Variants in PPIE observed in about 807,000 individuals in gnomAD.
PPIE encodes the protein peptidylprolyl isomerase E.
Under a neutral mutation model 38.4 loss-of-function variants are expected in PPIE, and 20 were observed. The observed-to-expected ratio is 0.52, with a 90% CI of 0.37 to 0.76. PPIE has a LOEUF of 0.76. Among genes scored for constraint, PPIE ranks in the 30% least tolerant of loss-of-function variants. PPIE has a pLI of 0.00. For missense variants in PPIE, 322 were observed against 385.8 expected (o/e 0.83, Z 1.39); for synonymous variants, 142 against 135.7 (o/e 1.05, Z -0.32).
chr1:39,749,014 A>C lies in PPIE; in HGVS notation c.620A>C (p.Asn207Thr), dbSNP rs764245200. The C allele has an allele frequency of 3.2e-5, 51 of 1,612,564 alleles. No homozygotes were observed. The Admixed American group carries it at 8.4e-4, about 27-fold the overall frequency. ...MCQGGDFTNH[N>T]GTGGKSIYGK... ...CAGGGCGGTGATTTCACAAACCACA[A>C]TGGCACTGGGGGCAAGTCCATCTAT... Residue 207 changes from asparagine (N) to threonine (T), a missense_variant, in exon 8 of 10, where the codon AAT (asparagine) becomes ACT (threonine). Physicochemically the swap from Asn to Thr is moderately conservative, Grantham distance 65. Coordinates refer to ENST00000324379, the MANE Select transcript of PPIE (RefSeq NM_006112.4).
At position 39,743,198 on chromosome 1, in the gene PPIE, G is replaced by T. The variant is rs1206923595; in HGVS notation, c.202-18G>T. 6.2e-7 allele frequency: 1 copy of T among 1,611,278 alleles called. No homozygotes were observed. The highest frequency in any genetic ancestry group is 2.2e-5 in the East Asian group (1 of 44,862). On this transcript the variant is annotated intron_variant, in intron 4 of 9. Transcript: ENST00000324379. ...TAACCTAAGAGAGTTTAAGCAGCTGGATTTTCAATCTTTTCAGAATGAATC... is the reference window on the plus strand; with the variant it reads ...TAACCTAAGAGAGTTTAAGCAGCTGTATTTTCAATCTTTTCAGAATGAATC...
At chr1:39,752,046 G>T (rs1393127458) in intron 8 of PPIE, among the ~76,000 whole-genome samples, 1 of 152,178 alleles carries the variant, frequency 6.6e-6, no homozygotes, top group Non-Finnish European at 1.5e-5. Context: ...AGGCTACAGT[G>T]AGCTGTGATG....
At position 39,743,998 on chromosome 1, in the gene PPIE, T is replaced by C; in HGVS notation, c.384+74T>C. 5 of 1,047,522 alleles carry C rather than the reference T, an allele frequency of 4.8e-6. No homozygotes were observed. The South Asian group carries it at 7.8e-5, about 16-fold the overall frequency. 64.9% of individuals were successfully genotyped at this position (1,047,522 alleles called of 1,614,324 possible). On this transcript the variant is annotated intron_variant, in intron 6 of 9. Transcript: ENST00000324379. ...GGAGACTTTTTTTTTTAAGTTTTAA[T>C]GGAAATTTGCCAATATGTATATCAA... is the stretch of plus-strand genomic sequence containing the variant.
Position 39,755,074 on chromosome 1 carries a change from G to A in PPIE, c.*1719G>A. ...AGCTCACAGTCTGGCTCTCCTGTGT[G>A]CAGCCACTTCTTGGAGCTGGCTTCT... On this transcript the variant is annotated 3_prime_UTR_variant, in exon 10 of 10. Transcript: ENST00000324379. 2 of 985,470 alleles carry A rather than the reference G, an allele frequency of 2.0e-6. No homozygotes were observed. Among genetic ancestry groups the A allele is most frequent in the South Asian group, 4.7e-5 (1 of 21,292 alleles). The allele number at this position is 985,470 out of a possible 1,614,324, so 61.0% of individuals were successfully genotyped here. A position where few individuals can be genotyped will look rare whatever the true frequency, so the allele number is the denominator to read the frequency against.
intron 3 of PPIE, 33 bp from the exon 4 acceptor site, chr1:39,741,862 G>T: frequency 6.2e-7 from 1 of 1,614,126 alleles, no homozygotes; most frequent in Non-Finnish European, 8.5e-7. Context: ...TTGGCTGCAA[G>T]CCTAAACTTG....
At chr1:39,761,134 CCT>C (rs1648905329), downstream of PPIE, 2 of 154,946 alleles carry the variant, frequency 1.3e-5, no homozygotes, top group Non-Finnish European at 2.9e-5. Flanking sequence ...TCAGCTTGGA[CCT>C]CTCTTCTGAA....
In PPIE at chr1:39,756,365, C is replaced by A; in HGVS notation, c.*3010C>A. 1 of 985,448 alleles carries A rather than the reference C, an allele frequency of 1.0e-6. No individual in the cohort carries two copies. Among genetic ancestry groups the A allele is most frequent in the Non-Finnish European group, 1.2e-6 (1 of 829,932 alleles). 61.0% of individuals were successfully genotyped at this position (985,448 alleles called of 1,614,324 possible). A position where few individuals can be genotyped will look rare whatever the true frequency, so the allele number is the denominator to read the frequency against. On this transcript the variant is annotated 3_prime_UTR_variant, in exon 10 of 10. Transcript: ENST00000324379. ...CTTCCTTTTGCTGATTCATTTCCCCCCTAACTCATTCAGAGTTGAGCCCCA... is the reference window on the plus strand; with the variant it reads ...CTTCCTTTTGCTGATTCATTTCCCCACTAACTCATTCAGAGTTGAGCCCCA...
chr1:39,751,701 T>C lies in PPIE; in HGVS notation c.695-1209T>C, dbSNP rs566087573. Reference sequence around the variant, plus strand: ...TAAGGGCCAAGAGGATATGAGACAATTCATTGTGCCAGACATTGCAGAACA... The same window carrying C: ...TAAGGGCCAAGAGGATATGAGACAACTCATTGTGCCAGACATTGCAGAACA... On this transcript the variant is annotated intron_variant, in intron 8 of 9. Coordinates refer to ENST00000324379, the MANE Select transcript of PPIE (RefSeq NM_006112.4). Among the ~76,000 whole-genome samples, 505 of 152,192 alleles carry C rather than the reference T, an allele frequency of 3.3e-3. 1 individual carries two copies. Among genetic ancestry groups the C allele is most frequent in the African/African-American group, 0.012 (482 of 41,514 alleles).
chr1:39,762,548 G>A lies in PPIE; in HGVS notation c.838-1141G>A, dbSNP rs915608380. ...CCAGATACCAAGGCATCAAAAGCCA[G>A]GGGATCCAGAAAAAACAAAGATGGC... On this transcript the variant is annotated intron_variant, in intron 9 of 9. Coordinates refer to the PPIE transcript ENST00000356511. 9.0e-6 allele frequency: 14 copies of A among 1,550,260 alleles called. No individual in the cohort carries two copies. In the Admixed American group the frequency reaches 2.0e-4, roughly 22 times the overall value.
chr1:39,763,447 G>A (rs1289297156), intron 9 of PPIE, among the ~76,000 whole-genome samples: 1 of 128,592 alleles, frequency 7.8e-6, no homozygotes, highest in Non-Finnish European at 1.8e-5. Context: ...AGCCAATGCA[G>A]GGAGGTCTCA....
rs1449150310 is a variant in PPIE, at chr1:39,753,476, T to C, written c.*121T>C. On this transcript the variant is annotated 3_prime_UTR_variant, in exon 10 of 10. Coordinates refer to ENST00000324379, the MANE Select transcript of PPIE (RefSeq NM_006112.4). ...TGAAGCAAGCAGCATTTGGGATATG[T>C]GCCCTTCCTCAGGGTCTGCTTGGAG... 45 of 1,499,098 alleles carry C rather than the reference T, an allele frequency of 3.0e-5. No individual in the cohort carries two copies. The highest frequency in any genetic ancestry group is 3.7e-5 in the Non-Finnish European group (42 of 1,125,170). 92.9% of individuals were successfully genotyped at this position (1,499,098 alleles called of 1,614,324 possible).
chr1:39,740,102 C>A, intron 1 of PPIE, 63 bp from the exon 2 acceptor site: 2 of 1,335,726 alleles, frequency 1.5e-6, no homozygotes, highest in Non-Finnish European at 2.1e-6. Flanking sequence ...GCTAACTGGG[C>A]TGCAAGGACT....
intron 8 of PPIE, among the ~76,000 whole-genome samples, chr1:39,749,948 A>G (rs549058296): frequency 6.6e-6 from 1 of 152,272 alleles, no homozygotes; most frequent in Non-Finnish European, 1.5e-5. Flanking sequence ...AGCCTAACTA[A>G]CATGGAGAAA....
At position 39,762,852 on chromosome 1, in the gene PPIE, G is replaced by T. The variant is rs556256167; in HGVS notation, c.838-837G>T. ...GGAGTTTGTTCGGTGCATAGAACAG[G>T]CATGTGTACACGACTGTTCACGTAT... On this transcript the variant is annotated intron_variant, in intron 9 of 9. Transcript: ENST00000356511. Among the ~76,000 whole-genome samples the T allele has an allele frequency of 2.0e-5, 3 of 152,384 alleles. No homozygotes were observed. In the South Asian group the frequency reaches 6.2e-4, roughly 32 times the overall value.
intron 3 of PPIE, 108 bp from the exon 4 acceptor site, chr1:39,741,787 A>G: frequency 7.9e-7 from 1 of 1,262,836 alleles, no homozygotes; most frequent in Middle Eastern, 1.9e-4. Context: ...TAGGCAAGAA[A>G]TACAGAGGTG....
At position 39,753,318 on chromosome 1, in the gene PPIE, A is replaced by G. The variant is rs753184327; in HGVS notation, c.869A>G (p.Gln290Arg). The change falls in exon 10 of 10, where the codon CAG becomes CGG. Residue 290 changes from glutamine to arginine, a missense_variant. Coordinates refer to ENST00000324379, the MANE Select transcript of PPIE (RefSeq NM_006112.4). ...AQGSKDGKPK[Q>R]KVIIADCGEY... The stretch of plus-strand genomic sequence containing the variant: ...GGCAGCAAGGACGGGAAGCCAAAGC[A>G]GAAGGTGATCATCGCCGACTGTGGG... 1.2e-6 allele frequency: 2 copies of G among 1,614,224 alleles called. No individual in the cohort carries two copies. The highest frequency in any genetic ancestry group is 2.2e-5 in the South Asian group (2 of 91,088).
At chr1:39,758,854 G>A (rs1483069265), downstream of PPIE, 2 of 152,202 alleles carry the variant, frequency 1.3e-5, no homozygotes, top group African/African-American at 4.8e-5. Flanking sequence ...CCTGGTCCAG[G>A]TGGAGGGGCT....
chr1:39,743,410 A>G, intron 5 of PPIE, 113 bp downstream of exon 5: 1 of 897,516 alleles, frequency 1.1e-6, no homozygotes, highest in Non-Finnish European at 1.8e-6. Context: ...CCTGGTAGAT[A>G]GGAGTAGATG....
At position 39,738,893 on chromosome 1, in the gene PPIE, C is replaced by G; in HGVS notation, c.-8C>G. ...TGCTGGCTTCCGGCGGAAAAGCGCGCGAGCAAGATGGCCACCACCAAGCGC... is the reference window on the plus strand; with the variant it reads ...TGCTGGCTTCCGGCGGAAAAGCGCGGGAGCAAGATGGCCACCACCAAGCGC... On this transcript the variant is annotated 5_prime_UTR_variant, in exon 1 of 10. Transcript: ENST00000324379. 1 of 1,512,448 alleles carries G rather than the reference C, an allele frequency of 6.6e-7. No individual in the cohort carries two copies. Among genetic ancestry groups the G allele is most frequent in the Non-Finnish European group, 8.8e-7 (1 of 1,132,704 alleles). The allele number at this position is 1,512,448 out of a possible 1,614,324, so 93.7% of individuals were successfully genotyped here. A position where few individuals can be genotyped will look rare whatever the true frequency, so the allele number is the denominator to read the frequency against.
Sources: gnomAD v4.1 joint callset for allele counts (sites outside exome capture counted in the v4.1 genomes callset) on GRCh38, gnomAD v4.1.1 for gene constraint, MANE v1.5 for transcripts, NCBI Gene and HGNC (gene_info 2026-07-23, HGNC 2026-07-21) for gene names.